Variants in MORN2 observed in about 807,000 individuals in gnomAD.
The protein encoded by MORN2 is MORN repeat containing 2, also known as MORN repeat-containing protein 2.
MORN2 carries 15 observed loss-of-function variants against 13.4 expected under a neutral mutation model. That is an observed-to-expected ratio of 1.12 (90% confidence interval 0.75 to 1.72). MORN2 has a LOEUF of 1.72. Among genes scored for constraint, MORN2 ranks in the 40% most tolerant of loss-of-function variants. The pLI, the probability that MORN2 is intolerant of heterozygous loss-of-function variation, is 0.00. For synonymous variants in MORN2, 46 were observed against 43.6 expected (o/e 1.06, Z -0.22); for missense variants, 168 against 134.6 (o/e 1.25, Z -1.23).
In MORN2 at chr2:38,881,466, C is replaced by A. The variant is rs1402055843; in HGVS notation, c.241C>A (p.His81Asn). ...GATGAATGGTTTTGGAAGACTTGAG[C>A]ATTTTTCAGGAGCAGTATATGAAGG... The change falls in exon 4 of 5, where the codon CAT (histidine) becomes AAT (asparagine). Residue 81 changes from histidine to asparagine, a missense_variant. Coordinates refer to ENST00000644631, the MANE Select transcript of MORN2 (RefSeq NM_001145450.3). The A allele has an allele frequency of 2.0e-6, 3 of 1,537,812 alleles. No individual in the cohort carries two copies. Among genetic ancestry groups the A allele is most frequent in the African/African-American group, 1.4e-5 (1 of 72,172 alleles).
At position 38,880,197 on chromosome 2, in the gene MORN2, T is replaced by G. The variant is rs973587116; in HGVS notation, c.77T>G (p.Ile26Ser). ...AAAACAGCTTCAGAAGTGTATAAGA[T>G]CAGCTTTATCTTTCCAAATGGAGAC... Residue 26 changes from isoleucine to serine, a missense_variant, in exon 2 of 5, where the codon ATC (isoleucine) becomes AGC (serine). Coordinates refer to ENST00000644631, the MANE Select transcript of MORN2 (RefSeq NM_001145450.3). The G allele has an allele frequency of 5.0e-6, 2 of 398,944 alleles. No homozygotes were observed. The highest frequency in any genetic ancestry group is 8.8e-5 in the Admixed American group (2 of 22,716). The allele number at this position is 398,944 out of a possible 1,614,324, so 24.7% of individuals were successfully genotyped here. A position where few individuals can be genotyped will look rare whatever the true frequency, so the allele number is the denominator to read the frequency against.
chr2:38,880,047 A>C (rs1032338255), intron 1 of MORN2, 132 bp from the exon 2 acceptor site: 5 of 377,512 alleles, frequency 1.3e-5, no homozygotes, highest in African/African-American at 1.0e-4. Flanking sequence ...CATCCCCAGC[A>C]CTTTGGGAGG....
In MORN2 at chr2:38,876,316, C is replaced by T; in HGVS notation, c.58+206C>T. On this transcript the variant is annotated intron_variant, in intron 1 of 4. Coordinates refer to ENST00000644631, the MANE Select transcript of MORN2 (RefSeq NM_001145450.3). Reference sequence around the variant, plus strand: ...TAATTCGCTGTTGAGACACCCGAGGCGCGTGCCAACCTCCCTGGGCCTCAG... The same window carrying T: ...TAATTCGCTGTTGAGACACCCGAGGTGCGTGCCAACCTCCCTGGGCCTCAG... 4 of 390,552 alleles carry T rather than the reference C, an allele frequency of 1.0e-5. No homozygotes were observed. In the East Asian group the frequency reaches 1.5e-4, roughly 14 times the overall value. The allele number at this position is 390,552 out of a possible 1,614,324, so 24.2% of individuals were successfully genotyped here. A position where few individuals can be genotyped will look rare whatever the true frequency, so the allele number is the denominator to read the frequency against.
intron 1 of MORN2, among the ~76,000 whole-genome samples, chr2:38,879,219 A>G (rs1665721937): frequency 6.6e-6 from 1 of 152,176 alleles, no homozygotes; most frequent in Non-Finnish European, 1.5e-5. Context: ...CTGTGGGACA[A>G]TCAGTAAATC....
Position 38,882,486 on chromosome 2 carries a change from C to A in MORN2, c.427C>A (p.Pro143Thr). The stretch of plus-strand genomic sequence containing the variant: ...TGGTAACTTTCATTTTACAGCTGCT[C>A]CAGACCTGAAATTAAAGCTTCACAT... Residue 143 changes from proline (P) to threonine (T), a missense_variant, in exon 5 of 5, where the codon CCA becomes ACA. Coordinates refer to ENST00000644631, the MANE Select transcript of MORN2 (RefSeq NM_001145450.3). 1.3e-6 allele frequency: 2 copies of A among 1,549,988 alleles called. No homozygotes were observed. The highest frequency in any genetic ancestry group is 4.9e-5 in the East Asian group (2 of 40,808).
At chr2:38,880,834 A>G (rs888330903) in intron 3 of MORN2, 128 bp downstream of exon 3, 7 of 938,972 alleles carry the variant, frequency 7.5e-6, no homozygotes, top group Non-Finnish European at 1.0e-5. Flanking sequence ...ACAAATGATC[A>G]TATTAACATA....
chr2:38,882,421 G>T lies in MORN2; in HGVS notation c.362G>T (p.Gly121Val), dbSNP rs1458292953. 7.8e-6 allele frequency: 12 copies of T among 1,546,304 alleles called. No homozygotes were observed. The highest frequency in any genetic ancestry group is 1.0e-5 in the Non-Finnish European group (12 of 1,142,990). The change falls in exon 5 of 5, where the codon GGT (glycine) becomes GTT (valine). Residue 121 changes from glycine to valine, a missense_variant. Transcript: ENST00000644631. Reference sequence around the variant, plus strand: ...ATTTTCTACTATTGCAGGGTGGAAGGTGAAGGGGAATATACTGATATCCAA... The same window carrying T: ...ATTTTCTACTATTGCAGGGTGGAAGTTGAAGGGGAATATACTGATATCCAA...
intron 1 of MORN2, among the ~76,000 whole-genome samples, chr2:38,879,893 A>T (rs955016649): frequency 1.3e-5 from 2 of 152,250 alleles, no homozygotes; most frequent in Admixed American, 6.5e-5. Flanking sequence ...GGGACCCTAC[A>T]TTAGACAATG....
chr2:38,877,445 C>T (rs998634331), intron 1 of MORN2, among the ~76,000 whole-genome samples: 1 of 152,060 alleles, frequency 6.6e-6, no homozygotes, highest in African/African-American at 2.4e-5. Flanking sequence ...ACCCTTTATC[C>T]ACAACCAAAT....
intron 3 of MORN2, 98 bp downstream of exon 3, chr2:38,880,804 T>G (rs1668078913): frequency 4.8e-6 from 6 of 1,238,304 alleles, no homozygotes; most frequent in Admixed American, 5.7e-5. Flanking sequence ...CTATAATGAG[T>G]AGACTATATA....
At chr2:38,882,215 AT>A (rs1192154352) in intron 4 of MORN2, among the ~76,000 whole-genome samples, 197 bp from the exon 5 acceptor site, 1 of 128,052 alleles carries the variant, frequency 7.8e-6, no homozygotes, top group Non-Finnish European at 1.7e-5. Context: ...TTGGAATAGT[AT>A]GTGGTTTTTT....
chr2:38,881,615 A>G (rs919848874), intron 4 of MORN2, 37 bp downstream of exon 4: 34 of 1,410,312 alleles, frequency 2.4e-5, no homozygotes, highest in Non-Finnish European at 3.2e-5. Flanking sequence ...TGCATTTCTA[A>G]AAGATTATTT....
chr2:38,881,809 C>A (rs1665783448), intron 4 of MORN2, among the ~76,000 whole-genome samples: 1 of 152,146 alleles, frequency 6.6e-6, no homozygotes, highest in African/African-American at 2.4e-5. Context: ...CACTACCACA[C>A]CCAGCTATTT....
intron 4 of MORN2, among the ~76,000 whole-genome samples, chr2:38,882,108 T>A (rs190972287): frequency 5.3e-4 from 81 of 152,294 alleles, no homozygotes; most frequent in African/African-American, 1.6e-3. Context: ...ATAACCGATA[T>A]AAACTTTTCA....
intron 1 of MORN2, among the ~76,000 whole-genome samples, chr2:38,879,913 A>C (rs1023307654): frequency 6.6e-6 from 1 of 152,246 alleles, no homozygotes; most frequent in Non-Finnish European, 1.5e-5. Flanking sequence ...GGAAATACCA[A>C]GTAATCATGA....
intron 1 of MORN2, among the ~76,000 whole-genome samples, chr2:38,877,981 A>C (rs1040251356): frequency 6.6e-6 from 1 of 151,610 alleles, no homozygotes; most frequent in Non-Finnish European, 1.5e-5. Context: ...TTTTTTGTGG[A>C]GAATGGGTTT....
chr2:38,876,523 G>T (rs982028535), intron 1 of MORN2, among the ~76,000 whole-genome samples: 1 of 152,208 alleles, frequency 6.6e-6, no homozygotes, highest in Non-Finnish European at 1.5e-5. Flanking sequence ...TTCACTAGAC[G>T]TTCTGTTACT....
At chr2:38,876,201 C>G (rs922101073) in intron 1 of MORN2, 91 bp downstream of exon 1, 6 of 398,320 alleles carry the variant, frequency 1.5e-5, no homozygotes, top group Non-Finnish European at 2.7e-5. Flanking sequence ...CTCCCGGTAA[C>G]TCCTGTGGGG....
At chr2:38,880,963 CATA>C (rs1665760418) in intron 3 of MORN2, among the ~76,000 whole-genome samples, 1 of 152,184 alleles carries the variant, frequency 6.6e-6, no homozygotes, top group South Asian at 2.1e-4. Flanking sequence ...ATTTAATCCT[CATA>C]ATAACCTCAT....
Sources: gnomAD v4.1 joint callset for allele counts (sites outside exome capture counted in the v4.1 genomes callset) on GRCh38, gnomAD v4.1.1 for gene constraint, MANE v1.5 for transcripts, NCBI Gene and HGNC (gene_info 2026-07-23, HGNC 2026-07-21) for gene names.